Variants in LY6G6F observed in about 807,000 individuals in gnomAD.
LY6G6F encodes lymphocyte antigen 6 family member G6F, also known as lymphocyte antigen 6 complex locus protein G6f.
A neutral mutation model predicts 33.0 loss-of-function variants in LY6G6F; 26 were observed. That is an observed-to-expected ratio of 0.79 (90% CI 0.58 to 1.09). The LOEUF is 1.09. Among genes scored for constraint, LY6G6F ranks in the 50% least tolerant of loss-of-function variants. The pLI, the probability that LY6G6F is intolerant of heterozygous loss-of-function variation, is 0.00. For missense variants in LY6G6F, 317 were observed against 372.0 expected (o/e 0.85, Z 1.22); for synonymous variants, 132 against 148.1 (o/e 0.89, Z 0.79).
Position 31,707,709 on chromosome 6 carries a change from G to C in LY6G6F, c.304G>C (p.Gly102Arg), listed in dbSNP as rs149233297. Residue 102 changes from glycine to arginine, a missense_variant, in exon 2 of 6, where the codon GGG (glycine) becomes CGG (arginine). Coordinates refer to ENST00000375832, the MANE Select transcript of LY6G6F (RefSeq NM_001003693.3). This position sits in a 1 kb window ranked among gnomAD's most constrained non-coding sequence, Gnocchi z 4.1. ...WLEGSKEEDA[G>R]RYWCAVLGQH... ...GGAGGGATCCAAAGAGGAAGATGCC[G>C]GGCGGTACTGGTGCGCTGTGCTAGG... The C allele has an allele frequency of 3.3e-5, 53 of 1,614,030 alleles. No individual in the cohort carries two copies. Among genetic ancestry groups the C allele is most frequent in the Middle Eastern group, 1.6e-4 (1 of 6,084 alleles).
intron 3 of LY6G6F, among the ~76,000 whole-genome samples, chr6:31,709,647 G>A (rs902343589): frequency 6.6e-6 from 1 of 152,122 alleles, no homozygotes; most frequent in Non-Finnish European, 1.5e-5. Flanking sequence ...ACCCACCTCG[G>A]CCTCCCAAAG....
Position 31,710,292 on chromosome 6 carries a change from C to T in LY6G6F, c.803-60C>T. On this transcript the variant is annotated intron_variant, in intron 4 of 5. Coordinates refer to ENST00000375832, the MANE Select transcript of LY6G6F (RefSeq NM_001003693.3). The surrounding 1 kb of genome is among the most constrained non-coding windows in gnomAD (Gnocchi z 4.7). Reference sequence around the variant, plus strand: ...CTCCTCTAGGGGAGGGGGCGAGGAACACGGCTCTAAGTTGTCTGCTGACTT... The same window carrying T: ...CTCCTCTAGGGGAGGGGGCGAGGAATACGGCTCTAAGTTGTCTGCTGACTT... 1 of 1,613,074 alleles carries T rather than the reference C, an allele frequency of 6.2e-7. No individual in the cohort carries two copies. Among genetic ancestry groups the T allele is most frequent in the South Asian group, 1.1e-5 (1 of 91,082 alleles).
rs776680629 is a variant in LY6G6F at position 31,708,080 on chromosome 6, A to G, written c.592A>G (p.Arg198Gly). 1 of 1,605,978 alleles carries G rather than the reference A, an allele frequency of 6.2e-7. No homozygotes were observed. Among genetic ancestry groups the G allele is most frequent in the Admixed American group, 1.7e-5 (1 of 58,690 alleles). ...GLSEPRSRRP[R>G]IIRCLMTHNK... ...TTCTGAGCCCAGGAGCCGAAGACCA[A>G]GAATCATCCGCTGCCTCATGACTCA... The change falls in exon 3 of 6, where the codon AGA becomes GGA. Residue 198 changes from arginine (R) to glycine (G), a missense_variant. Physicochemically the swap from Arg to Gly is moderately radical, Grantham distance 125. Transcript: ENST00000375832.
In LY6G6F at chr6:31,707,200, G is replaced by T. The variant is rs1182341905; in HGVS notation, c.52+242G>T. On this transcript the variant is annotated intron_variant, in intron 1 of 5. Transcript: ENST00000375832. The surrounding 1 kb of genome is among the most constrained non-coding windows in gnomAD (Gnocchi z 4.1). ...TCCAGAAAAGTAGAAATGAGTAGAA[G>T]AGATGTGGGCATTTGCCAACTTTCA... 6.6e-6 allele frequency among the ~76,000 whole-genome samples: 1 copy of T among 152,208 alleles called. No individual in the cohort carries two copies.
Position 31,707,011 on chromosome 6 carries a change from A to G in LY6G6F, c.52+53A>G. ...TAGCTATTTGCAAGGTTGGGGAGGG[A>G]CTACTGCTCTTTCTCCTAGGAGCCT... On this transcript the variant is annotated intron_variant, in intron 1 of 5. Coordinates refer to ENST00000375832, the MANE Select transcript of LY6G6F (RefSeq NM_001003693.3). The surrounding 1 kb of genome is among the most constrained non-coding windows in gnomAD (Gnocchi z 4.1). 1 of 1,575,340 alleles carries G rather than the reference A, an allele frequency of 6.3e-7. No homozygotes were observed.
In LY6G6F at chr6:31,707,430, C is replaced by T. The variant is rs765962975; in HGVS notation, c.53-28C>T. The stretch of plus-strand genomic sequence containing the variant: ...GGGGTTATTGATCTGATGGAGGTCT[C>T]TGGCCTCATACAACCCTCTTCCCAC... On this transcript the variant is annotated intron_variant, in intron 1 of 5. Coordinates refer to ENST00000375832, the MANE Select transcript of LY6G6F (RefSeq NM_001003693.3). The surrounding 1 kb of genome is among the most constrained non-coding windows in gnomAD (Gnocchi z 4.1). 1 of 1,598,094 alleles carries T rather than the reference C, an allele frequency of 6.3e-7. No individual in the cohort carries two copies. Among genetic ancestry groups the T allele is most frequent in the South Asian group, 1.1e-5 (1 of 90,152 alleles).
intron 3 of LY6G6F, 66 bp from the exon 4 acceptor site, chr6:31,709,960 T>G: frequency 1.3e-6 from 2 of 1,512,070 alleles, no homozygotes; most frequent in Non-Finnish European, 1.8e-6. Context: ...AAGCCTCTCT[T>G]TGGGGCACAG....
Position 31,707,946 on chromosome 6 carries a change from G to T in LY6G6F, c.458G>T (p.Arg153Leu), listed in dbSNP as rs189804884. 1 of 1,613,080 alleles carries T rather than the reference G, an allele frequency of 6.2e-7. No individual in the cohort carries two copies. The highest frequency in any genetic ancestry group is 8.5e-7 in the Non-Finnish European group (1 of 1,180,036). The change falls in exon 3 of 6, where the codon CGC becomes CTC. Residue 153 changes from arginine (R) to leucine (L), a missense_variant. By Grantham distance (102) the Arg-to-Leu change is moderately radical (BLOSUM62 -2). Transcript: ENST00000375832. The surrounding 1 kb of genome is among the most constrained non-coding windows in gnomAD (Gnocchi z 4.1). ...VLLCSVVPSR[R>L]MDSVTWQEGK... ...CTGTGCTCTGTGGTCCCCAGCAGAC[G>T]CATGGACTCTGTGACCTGGCAGGAA...
chr6:31,707,763 G>A lies in LY6G6F; in HGVS notation c.358G>A (p.Val120Met), dbSNP rs755073874. 2 of 1,613,332 alleles carry A rather than the reference G, an allele frequency of 1.2e-6. No individual in the cohort carries two copies. Among genetic ancestry groups the A allele is most frequent in the East Asian group, 4.5e-5 (2 of 44,878 alleles). The stretch of plus-strand genomic sequence containing the variant: ...GCACCACAACTACCAGAACTGGAGG[G>A]TGTACGACGTCTTGGTGCTCAAAGG... ...GQHHNYQNWR[V>M]YDVLVLKGSQ... The change falls in exon 2 of 6, where the codon GTG becomes ATG. Residue 120 changes from valine (V) to methionine (M), a missense_variant. Val to Met is a conservative substitution (Grantham distance 21). Transcript: ENST00000375832. This position sits in a 1 kb window ranked among gnomAD's most constrained non-coding sequence, Gnocchi z 4.1.
In LY6G6F at chr6:31,710,416, T is replaced by C; in HGVS notation, c.867T>C (p.Leu289=). Reference sequence around the variant, plus strand: ...ATGAGAACATCCATTTGGCCCGTCTTGGGTGAGGAACAGCTAGGGAACAGA... The same window carrying C: ...ATGAGAACATCCATTTGGCCCGTCTCGGGTGAGGAACAGCTAGGGAACAGA... ...QVYENIHLAR[L]GPPAHKPR The change falls in exon 5 of 6, where the codon CTT becomes CTC. Residue 289 remains leucine (L), a splice_region_variant and synonymous_variant. Coordinates refer to ENST00000375832, the MANE Select transcript of LY6G6F (RefSeq NM_001003693.3). This position sits in a 1 kb window ranked among gnomAD's most constrained non-coding sequence, Gnocchi z 4.7. 2 of 1,614,192 alleles carry C rather than the reference T, an allele frequency of 1.2e-6. No individual in the cohort carries two copies. Among genetic ancestry groups the C allele is most frequent in the East Asian group, 2.2e-5 (1 of 44,884 alleles).
Position 31,710,646 on chromosome 6 carries a change from C to A in LY6G6F, c.*55C>A. 6.2e-7 allele frequency: 1 copy of A among 1,610,292 alleles called. No individual in the cohort carries two copies. The highest frequency in any genetic ancestry group is 8.5e-7 in the Non-Finnish European group (1 of 1,176,764). On this transcript the variant is annotated 3_prime_UTR_variant, in exon 6 of 6. Transcript: ENST00000375832. The surrounding 1 kb of genome is among the most constrained non-coding windows in gnomAD (Gnocchi z 4.7). ...CTGCTGTCTCGCTGGCCATCTGGCA[C>A]CTGGAAGATTCCTCGACAACCTTAG... is the stretch of plus-strand genomic sequence containing the variant.
intron 3 of LY6G6F, among the ~76,000 whole-genome samples, chr6:31,709,450 G>C (rs1229883893): frequency 6.6e-6 from 1 of 151,846 alleles, no homozygotes; most frequent in Non-Finnish European, 1.5e-5. Context: ...AGTGGAGCCG[G>C]GGTTTCACCA....
At chr6:31,709,448 C>T (rs1480438255) in intron 3 of LY6G6F, among the ~76,000 whole-genome samples, 8 of 151,792 alleles carry the variant, frequency 5.3e-5, no homozygotes, top group African/African-American at 1.2e-4. Context: ...TTAGTGGAGC[C>T]GGGGTTTCAC....
chr6:31,710,126 C>T lies in LY6G6F; in HGVS notation c.747C>T (p.Ile249=). 1 of 1,613,050 alleles carries T rather than the reference C, an allele frequency of 6.2e-7. No individual in the cohort carries two copies. The highest frequency in any genetic ancestry group is 8.5e-7 in the Non-Finnish European group (1 of 1,180,022). The change falls in exon 4 of 6, where the codon ATC becomes ATT. Residue 249 remains isoleucine, a synonymous_variant. Coordinates refer to ENST00000375832, the MANE Select transcript of LY6G6F (RefSeq NM_001003693.3). This position sits in a 1 kb window ranked among gnomAD's most constrained non-coding sequence, Gnocchi z 4.7. ...LLLTMGQGVV[I]LALSIVLWRQ... ...TCACAATGGGCCAGGGAGTTGTCAT[C>T]CTGGCCCTCAGCATCGTGCTCTGGA... is the stretch of plus-strand genomic sequence containing the variant.
Position 31,707,912 on chromosome 6 carries a change from A to G in LY6G6F, c.424A>G (p.Asn142Asp). ...AAGGGCTGCAGATGGATCCCCCTGC[A>G]ATGTCCTCCTGTGCTCTGTGGTCCC... Reference protein sequence around the residue: ...SARAADGSPCNVLLCSVVPSR... With the variant: ...SARAADGSPCDVLLCSVVPSR... Residue 142 changes from asparagine to aspartate, a missense_variant, in exon 3 of 6, where the codon AAT (asparagine) becomes GAT (aspartate). Coordinates refer to ENST00000375832, the MANE Select transcript of LY6G6F (RefSeq NM_001003693.3). The surrounding 1 kb of genome is among the most constrained non-coding windows in gnomAD (Gnocchi z 4.1). 5 of 1,613,516 alleles carry G rather than the reference A, an allele frequency of 3.1e-6. No individual in the cohort carries two copies. The highest frequency in any genetic ancestry group is 4.2e-6 in the Non-Finnish European group (5 of 1,179,982).
Position 31,710,503 on chromosome 6 carries a change from C to T in LY6G6F, c.870-64C>T. The T allele has an allele frequency of 6.2e-7, 1 of 1,613,576 alleles. No individual in the cohort carries two copies. The highest frequency in any genetic ancestry group is 8.5e-7 in the Non-Finnish European group (1 of 1,179,628). ...AACACGGGTTGGGTTGGGGATGGGC[C>T]CTCGTTCCTGAGGATGTGAAAAGTA... On this transcript the variant is annotated intron_variant, in intron 5 of 5. Coordinates refer to ENST00000375832, the MANE Select transcript of LY6G6F (RefSeq NM_001003693.3). The surrounding 1 kb of genome is among the most constrained non-coding windows in gnomAD (Gnocchi z 4.7).
At position 31,707,965 on chromosome 6, in the gene LY6G6F, G is replaced by GTTTTC. The variant is rs745479687; in HGVS notation, c.477_478insTTTTC (p.Gln160PhefsTer9). On this transcript the variant is annotated frameshift_variant, in exon 3 of 6. Transcript: ENST00000375832. LOFTEE classifies it high-confidence loss of function. This position sits in a 1 kb window ranked among gnomAD's most constrained non-coding sequence, Gnocchi z 4.1. ...GCAGACGCATGGACTCTGTGACCTG[G>GTTTTC]CAGGAAGGGAAGGGTCCCGTGAGGG... is the stretch of plus-strand genomic sequence containing the variant. The GTTTTC allele has an allele frequency of 6.2e-7, 1 of 1,613,144 alleles. No individual in the cohort carries two copies.
At position 31,707,403 on chromosome 6, in the gene LY6G6F, G is replaced by A; in HGVS notation, c.53-55G>A. 3 of 1,499,712 alleles carry A rather than the reference G, an allele frequency of 2.0e-6. No individual in the cohort carries two copies. The South Asian group carries it at 3.6e-5, about 18-fold the overall frequency. 92.9% of individuals were successfully genotyped at this position (1,499,712 alleles called of 1,614,324 possible). On this transcript the variant is annotated intron_variant, in intron 1 of 5. Transcript: ENST00000375832. The surrounding 1 kb of genome is among the most constrained non-coding windows in gnomAD (Gnocchi z 4.1). ...AGGAAGCCAGGGTTGAAGATCAAAT[G>A]GGGGGTTATTGATCTGATGGAGGTC... is the stretch of plus-strand genomic sequence containing the variant.
chr6:31,709,300 G>A (rs1390749594), intron 3 of LY6G6F, among the ~76,000 whole-genome samples: 1 of 149,406 alleles, frequency 6.7e-6, no homozygotes, highest in Non-Finnish European at 1.5e-5. Context: ...TCTCTCTGTC[G>A]CCAGGCTGGA....
Sources: gnomAD v4.1 joint callset for allele counts (sites outside exome capture counted in the v4.1 genomes callset) on GRCh38, gnomAD v4.1.1 for gene constraint, Gnocchi (gnomAD v3.1) non-coding constraint, MANE v1.5 for transcripts, NCBI Gene and HGNC (gene_info 2026-07-23, HGNC 2026-07-21) for gene names.